Variants in NRG1 observed in about 807,000 individuals in gnomAD.
NRG1 encodes the protein neuregulin 1, also known as pro-neuregulin-1, membrane-bound isoform.
NRG1 carries 18 observed loss-of-function variants against 63.8 expected under a neutral mutation model. The ratio of observed to expected loss-of-function variants is 0.28; its 90% CI spans 0.19 to 0.42. NRG1 has a LOEUF of 0.42. Among genes scored for constraint, NRG1 ranks in the 10% least tolerant of loss-of-function variants. NRG1 has a pLI of 1.00. For synonymous variants in NRG1, 302 were observed against 301.3 expected, an observed-to-expected ratio of 1.00 and a Z score of -0.02; for missense variants, 762 against 814.7, an observed-to-expected ratio of 0.94 and a Z score of 0.79.
chr8:32,188,992 G>A (rs1842229461), intron 1 of NRG1, among the ~76,000 whole-genome samples: 1 of 152,032 alleles, frequency 6.6e-6, no homozygotes, highest in African/African-American at 2.4e-5. Context: ...TCAAGGAAGT[G>A]AATTAGAGGT....
chr8:32,765,238 T>C (rs1370011314), exon 12 of NRG1: 1 of 152,102 alleles, frequency 6.6e-6, no homozygotes, highest in Non-Finnish European at 1.5e-5. Context: ...TCCAGCAGCT[T>C]ATCTAGTTGA....
intron 1 of NRG1, among the ~76,000 whole-genome samples, chr8:31,716,182 A>G (rs1393965987): frequency 6.6e-6 from 1 of 152,222 alleles, no homozygotes; most frequent in Non-Finnish European, 1.5e-5. Context: ...CCTCTGGAGC[A>G]TATACTAGCA....
intron 1 of NRG1, among the ~76,000 whole-genome samples, chr8:32,246,752 A>G (rs1295090836): frequency 1.3e-5 from 2 of 152,136 alleles, no homozygotes; most frequent in Non-Finnish European, 2.9e-5. Context: ...TCTCACTTAC[A>G]TGAGGAATCT....
chr8:32,000,145 A>G (rs2129639067), intron 1 of NRG1, among the ~76,000 whole-genome samples: 1 of 152,150 alleles, frequency 6.6e-6, no homozygotes, highest in Non-Finnish European at 1.5e-5. Flanking sequence ...CTAAATGTGT[A>G]CACTTTATTG....
At chr8:32,369,078 C>A (rs148168412) in intron 1 of NRG1, among the ~76,000 whole-genome samples, 133 of 152,322 alleles carry the variant, frequency 8.7e-4, no homozygotes, top group African/African-American at 3.1e-3. Flanking sequence ...TGGAAACCGT[C>A]AGGGTTGACA....
At chr8:32,635,545 T>C (rs181720515) in intron 5 of NRG1, among the ~76,000 whole-genome samples, 4 of 152,318 alleles carry the variant, frequency 2.6e-5, no homozygotes, top group Non-Finnish European at 4.4e-5. Flanking sequence ...CCCTGATTTT[T>C]TTTTTTGACA....
chr8:31,880,403 A>G (rs1425708951), intron 1 of NRG1, among the ~76,000 whole-genome samples: 1 of 152,122 alleles, frequency 6.6e-6, no homozygotes, highest in Non-Finnish European at 1.5e-5. Flanking sequence ...AATTAACATT[A>G]TATTTCCGCT....
intron 1 of NRG1, among the ~76,000 whole-genome samples, chr8:31,845,142 T>TAAATAAATAAATAAAA: frequency 6.6e-6 from 1 of 151,630 alleles, no homozygotes; most frequent in Non-Finnish European, 1.5e-5. Flanking sequence ...AATAAATAAA[T>TAAATAAATAAATAAAA]AAAACAGCAA....
At chr8:32,185,710 C>T (rs902815634) in intron 1 of NRG1, among the ~76,000 whole-genome samples, 1 of 152,150 alleles carries the variant, frequency 6.6e-6, no homozygotes, top group South Asian at 2.1e-4. Flanking sequence ...TTCATCTCTC[C>T]TCTAGTCACA....
At chr8:31,949,568 A>G (rs1430115623) in intron 1 of NRG1, among the ~76,000 whole-genome samples, 3 of 152,180 alleles carry the variant, frequency 2.0e-5, no homozygotes, top group Non-Finnish European at 4.4e-5. Context: ...GGTTTCTTGT[A>G]CCACATATTC....
At chr8:32,205,284 GTTAC>G (rs1843927242) in intron 1 of NRG1, among the ~76,000 whole-genome samples, 1 of 152,236 alleles carries the variant, frequency 6.6e-6, no homozygotes, top group Admixed American at 6.5e-5. Context: ...CCCAATACGT[GTTAC>G]TTAAAGAATC....
At chr8:32,339,873 G>A (rs1285055316) in intron 1 of NRG1, among the ~76,000 whole-genome samples, 1 of 152,092 alleles carries the variant, frequency 6.6e-6, no homozygotes, top group East Asian at 1.9e-4. Flanking sequence ...ACATAGGAAA[G>A]GCTTCTACTA....
intron 5 of NRG1, among the ~76,000 whole-genome samples, chr8:32,631,074 T>G (rs1850211649): frequency 6.6e-6 from 1 of 152,214 alleles, no homozygotes; most frequent in African/African-American, 2.4e-5. Flanking sequence ...CACAATTAAT[T>G]ATATCTGAAC....
intron 1 of NRG1, among the ~76,000 whole-genome samples, chr8:32,437,891 A>T (rs1818990160): frequency 6.6e-6 from 1 of 152,194 alleles, no homozygotes; most frequent in Non-Finnish European, 1.5e-5. Flanking sequence ...GATAGTTAAT[A>T]TATTCAGATA....
At chr8:31,812,010 T>G (rs1370482041) in intron 1 of NRG1, among the ~76,000 whole-genome samples, 3 of 152,180 alleles carry the variant, frequency 2.0e-5, no homozygotes, top group African/African-American at 7.2e-5. Flanking sequence ...CTTCATAACT[T>G]CCTAGATAGA....
intron 1 of NRG1, among the ~76,000 whole-genome samples, chr8:32,591,336 A>G (rs1351209405): frequency 6.6e-6 from 1 of 152,154 alleles, no homozygotes; most frequent in Non-Finnish European, 1.5e-5. Flanking sequence ...TGGTCACTAG[A>G]GGTATCCTTG....
intron 5 of NRG1, among the ~76,000 whole-genome samples, chr8:32,669,240 G>A (rs1190174612): frequency 6.6e-6 from 1 of 152,166 alleles, no homozygotes; most frequent in Admixed American, 6.5e-5. Context: ...GCAAAAGATA[G>A]AATAAAGCAT....
chr8:32,104,320 A>G (rs1225334272), intron 1 of NRG1, among the ~76,000 whole-genome samples: 2 of 152,208 alleles, frequency 1.3e-5, no homozygotes, highest in East Asian at 3.9e-4. Context: ...AAAAGATTTT[A>G]TTTAAAGTAC....
intron 1 of NRG1, among the ~76,000 whole-genome samples, chr8:31,755,875 T>G (rs1247970000): frequency 6.6e-6 from 1 of 152,138 alleles, no homozygotes; most frequent in Non-Finnish European, 1.5e-5. Flanking sequence ...GAAGGCTTTA[T>G]TTGATGCTAG....
Sources: allele counts gnomAD v4.1 joint callset (sites outside exome capture counted in the v4.1 genomes callset), GRCh38; gene constraint gnomAD v4.1.1; transcripts MANE v1.5; gene names NCBI Gene and HGNC (gene_info 2026-07-23, HGNC 2026-07-21).